Variants in COL24A1 observed in about 807,000 individuals in gnomAD.
The protein encoded by COL24A1 is collagen type XXIV alpha 1 chain.
COL24A1 carries 224 observed loss-of-function variants against 253.9 expected under a neutral mutation model. The observed-to-expected ratio is 0.88, with a 90% CI of 0.79 to 0.99. The LOEUF (loss-of-function observed/expected upper bound fraction) is 0.99. COL24A1 is among the 50% of genes least tolerant of loss of function. The pLI is 0.00. For missense variants in COL24A1, 2,131 were observed against 2,068.5 expected, an observed-to-expected ratio of 1.03 and a Z score of -0.59; for synonymous variants, 685 against 673.7, an observed-to-expected ratio of 1.02 and a Z score of -0.26.
At chr1:85,830,579 G>T (rs944071807) in intron 43 of COL24A1, among the ~76,000 whole-genome samples, 1 of 152,098 alleles carries the variant, frequency 6.6e-6, no homozygotes, top group Non-Finnish European at 1.5e-5. Flanking sequence ...GCGAGACTCC[G>T]TGGGCATAGG....
chr1:85,885,969 A>C (rs1168249845), intron 32 of COL24A1, among the ~76,000 whole-genome samples: 1 of 151,960 alleles, frequency 6.6e-6, no homozygotes, highest in African/African-American at 2.4e-5. Context: ...CAGTGACTCC[A>C]TTTTGATTCT....
intron 12 of COL24A1, 98 bp downstream of exon 12, chr1:86,046,727 A>G: frequency 6.2e-6 from 9 of 1,446,632 alleles, no homozygotes; most frequent in Non-Finnish European, 7.7e-6. Context: ...ATAAACAACA[A>G]CAAAAAGCAA....
chr1:85,945,614 T>C (rs1689255333), intron 24 of COL24A1, among the ~76,000 whole-genome samples: 1 of 146,866 alleles, frequency 6.8e-6, no homozygotes, highest in South Asian at 2.3e-4. Context: ...GATAGGTTGG[T>C]CTAATTATGT....
intron 24 of COL24A1, among the ~76,000 whole-genome samples, chr1:85,957,161 A>G (rs889126367): frequency 3.0e-4 from 46 of 152,140 alleles, no homozygotes; most frequent in African/African-American, 9.9e-4. Flanking sequence ...GGACACCACG[A>G]GGGGAACATC....
chr1:85,770,612 C>A (rs567790674), intron 53 of COL24A1, among the ~76,000 whole-genome samples: 3 of 151,448 alleles, frequency 2.0e-5, no homozygotes, highest in Non-Finnish European at 4.4e-5. Flanking sequence ...TTATAAATAA[C>A]CTTTTTACTA....
intron 24 of COL24A1, among the ~76,000 whole-genome samples, chr1:85,925,588 A>C (rs577686257): frequency 1.8e-4 from 28 of 152,344 alleles, no homozygotes; most frequent in African/African-American, 6.5e-4. Flanking sequence ...TTCCCTATTT[A>C]ATAAATGGTG....
At chr1:85,871,415 A>T (rs1161958564) in intron 35 of COL24A1, among the ~76,000 whole-genome samples, 2 of 152,198 alleles carry the variant, frequency 1.3e-5, no homozygotes, top group Non-Finnish European at 2.9e-5. Flanking sequence ...TTAGACCAAT[A>T]TCCCTGATGA....
intron 28 of COL24A1, among the ~76,000 whole-genome samples, chr1:85,899,910 A>G (rs1353675579): frequency 6.6e-6 from 1 of 152,186 alleles, no homozygotes; most frequent in Non-Finnish European, 1.5e-5. Context: ...GTCTAACTGT[A>G]CAAAGACTGA....
At chr1:85,915,431 CTG>C (rs1417802974) in intron 24 of COL24A1, among the ~76,000 whole-genome samples, 2 of 152,122 alleles carry the variant, frequency 1.3e-5, no homozygotes, top group African/African-American at 4.8e-5. Context: ...GGATGGAAGA[CTG>C]TGAGATTTTT....
At chr1:85,942,808 G>T (rs538882517) in intron 24 of COL24A1, among the ~76,000 whole-genome samples, 5 of 152,150 alleles carry the variant, frequency 3.3e-5, no homozygotes, top group Non-Finnish European at 5.9e-5. Context: ...TGGAACTACT[G>T]CTTTGTTACT....
Position 85,730,133 on chromosome 1 carries a change from T to C in COL24A1, c.*413A>G, listed in dbSNP as rs1663333643. ...GCTTAGTGTTTTGGAAAATAAGACATATTAGACTGTGGCTTGTAATTTTTA... is the reference window on the plus strand; with the variant it reads ...GCTTAGTGTTTTGGAAAATAAGACACATTAGACTGTGGCTTGTAATTTTTA... On this transcript the variant is annotated 3_prime_UTR_variant, in exon 60 of 60. Transcript: ENST00000370571. 6.4e-6 allele frequency: 1 copy of C among 155,602 alleles called. No individual in the cohort carries two copies. The highest frequency in any genetic ancestry group is 2.4e-5 in the African/African-American group (1 of 41,456). The allele number at this position is 155,602 out of a possible 1,614,324, so 9.6% of individuals were successfully genotyped here.
intron 8 of COL24A1, 108 bp downstream of exon 8, chr1:86,063,607 T>C (rs1454225874): frequency 5.9e-6 from 4 of 674,820 alleles, no homozygotes; most frequent in African/African-American, 1.8e-5. Flanking sequence ...GAGTAAAAAA[T>C]CACTGAGAAG....
intron 42 of COL24A1, among the ~76,000 whole-genome samples, chr1:85,840,197 C>T (rs1227422116): frequency 1.3e-5 from 2 of 152,072 alleles, no homozygotes; most frequent in African/African-American, 4.8e-5. Flanking sequence ...TCCTGGCATA[C>T]CTAAATCTGG....
intron 47 of COL24A1, 98 bp downstream of exon 47, chr1:85,816,690 C>A: frequency 1.0e-6 from 1 of 984,870 alleles, no homozygotes; most frequent in Non-Finnish European, 1.6e-6. Context: ...TAATCTGAGC[C>A]AATGCCAAAG....
intron 12 of COL24A1, chr1:86,045,840 T>C (rs1699861180): frequency 2.3e-6 from 1 of 440,008 alleles, no homozygotes; most frequent in Non-Finnish European, 4.6e-6. Context: ...TATCTCATTT[T>C]GGCCAGACGT....
At chr1:85,740,402 C>A (rs1335707403) in intron 57 of COL24A1, among the ~76,000 whole-genome samples, 2 of 152,150 alleles carry the variant, frequency 1.3e-5, no homozygotes, top group Non-Finnish European at 1.5e-5. Flanking sequence ...TATATAAACT[C>A]CCACTATCAT....
intron 21 of COL24A1, 87 bp downstream of exon 21, chr1:85,971,253 C>G: frequency 9.6e-7 from 1 of 1,043,718 alleles, no homozygotes; most frequent in Non-Finnish European, 1.4e-6. Flanking sequence ...GGTGTTTAAG[C>G]AAAAACTGAA....
intron 24 of COL24A1, among the ~76,000 whole-genome samples, chr1:85,912,236 T>C (rs1685440428): frequency 6.6e-6 from 1 of 152,124 alleles, no homozygotes; most frequent in African/African-American, 2.4e-5. Context: ...CTAGAAGATG[T>C]TAAAGAAGGT....
chr1:85,911,147 TC>T (rs1401827756), intron 25 of COL24A1, among the ~76,000 whole-genome samples: 2 of 152,000 alleles, frequency 1.3e-5, no homozygotes, highest in African/African-American at 2.4e-5. Context: ...TCTAGACTGT[TC>T]CATCTTTTCT....
Sources: allele counts gnomAD v4.1 joint callset (sites outside exome capture counted in the v4.1 genomes callset), GRCh38; gene constraint gnomAD v4.1.1; transcripts MANE v1.5; gene names NCBI Gene and HGNC (gene_info 2026-07-23, HGNC 2026-07-21).